The following SPATA6 variants were observed in gnomAD, a reference collection of about 807,000 sequenced individuals.
SPATA6 encodes the protein spermatogenesis-associated protein 6.
SPATA6 carries 56 observed loss-of-function variants against 65.3 expected under a neutral mutation model. The ratio of observed to expected loss-of-function variants is 0.86; its 90% CI spans 0.69 to 1.07. The LOEUF (loss-of-function observed/expected upper bound fraction) is 1.07, where lower values mean the gene tolerates loss of function less well. Ranked by LOEUF, SPATA6 falls within the 50% of genes least tolerant of loss-of-function variation. The pLI, the probability that SPATA6 is intolerant of heterozygous loss-of-function variation, is 0.00. For synonymous variants in SPATA6, 199 were observed against 213.2 expected (o/e 0.93, Z 0.58); for missense variants, 590 against 594.8 (o/e 0.99, Z 0.08).
At chr1:48,274,558 T>G in the SPATA6 span, among the ~76,000 whole-genome samples, 84 of 152,232 alleles carry the variant, frequency 5.5e-4, no homozygotes, top group African/African-American at 1.7e-3. Flanking sequence ...TTTCTGCATA[T>G]GGCTAGCCAG....
At chr1:48,328,469 C>G (rs190703945) in intron 11 of SPATA6, among the ~76,000 whole-genome samples, 6 of 152,124 alleles carry the variant, frequency 3.9e-5, no homozygotes, top group Admixed American at 2.0e-4. Flanking sequence ...CCTGGGCAAG[C>G]CTTTAATATA....
intron 11 of SPATA6, among the ~76,000 whole-genome samples, chr1:48,349,242 G>C (rs1485681151): frequency 1.3e-5 from 2 of 151,916 alleles, no homozygotes; most frequent in Non-Finnish European, 2.9e-5. Context: ...CCACACAGCT[G>C]AGTAGTTGTC....
chr1:48,366,035 G>C (rs929304034), intron 9 of SPATA6, among the ~76,000 whole-genome samples: 3 of 152,112 alleles, frequency 2.0e-5, no homozygotes, highest in African/African-American at 4.8e-5. Flanking sequence ...GTCTTTTTCT[G>C]CATCTATTGA....
At chr1:48,366,250 ATTCTCTTTTTTGGTTGT>A (rs1647006968) in intron 9 of SPATA6, among the ~76,000 whole-genome samples, 2 of 152,084 alleles carry the variant, frequency 1.3e-5, no homozygotes, top group Non-Finnish European at 2.9e-5. Context: ...TTGGTCTAAA[ATTCTCTTTTTTGGTTGT>A]GTCTCTGCCC....
At chr1:48,345,703 TTATGAACACCTC>T (rs1350253367) in intron 11 of SPATA6, among the ~76,000 whole-genome samples, 1 of 151,842 alleles carries the variant, frequency 6.6e-6, no homozygotes, top group Non-Finnish European at 1.5e-5. Context: ...TCAGACAATA[TTATGAACACCTC>T]TATGCACATA....
chr1:48,347,107 C>G (rs898717697), intron 11 of SPATA6, among the ~76,000 whole-genome samples: 2 of 151,910 alleles, frequency 1.3e-5, no homozygotes, highest in Admixed American at 1.3e-4. Flanking sequence ...GGTAGTGGTA[C>G]AAAAACAGAC....
At chr1:48,418,387 C>G (rs566875839) in intron 3 of SPATA6, among the ~76,000 whole-genome samples, 1 of 151,708 alleles carries the variant, frequency 6.6e-6, no homozygotes, top group South Asian at 2.1e-4. Flanking sequence ...TAGAAAATAT[C>G]TGAGCATACA....
the SPATA6 span, among the ~76,000 whole-genome samples, chr1:48,277,830 G>C: frequency 6.6e-6 from 1 of 152,230 alleles, no homozygotes; most frequent in Admixed American, 6.5e-5. Context: ...GAGAGCAGTG[G>C]TTCTCCCAGC....
chr1:48,313,072 T>C (rs1645273676), intron 11 of SPATA6, among the ~76,000 whole-genome samples: 1 of 152,178 alleles, frequency 6.6e-6, no homozygotes, highest in African/African-American at 2.4e-5. Context: ...GTCTGATTGG[T>C]GTACCTGAAA....
rs866389811 is a variant in SPATA6 at position 48,345,583 on chromosome 1, A to G, written c.1194+10087T>C. Among the ~76,000 whole-genome samples the G allele has an allele frequency of 7.9e-5, 12 of 152,104 alleles. No homozygotes were observed. The Middle Eastern group carries it at 0.01, about 129-fold the overall frequency. ...TGTTTTTCTGAAAAATTAACAAAAT[A>G]AATAGAGTGCTAGCTAGACTAATAA... On this transcript the variant is annotated intron_variant, in intron 11 of 12. Transcript: ENST00000371847.
chr1:48,364,139 T>C (rs577094108), intron 9 of SPATA6, among the ~76,000 whole-genome samples: 1 of 152,348 alleles, frequency 6.6e-6, no homozygotes, highest in Admixed American at 6.5e-5. Flanking sequence ...ACTCATCATT[T>C]TTTATGGCTG....
chr1:48,462,037 C>T (rs1304276824), intron 1 of SPATA6, among the ~76,000 whole-genome samples: 1 of 152,154 alleles, frequency 6.6e-6, no homozygotes, highest in African/African-American at 2.4e-5. Flanking sequence ...AGTTCATGTC[C>T]TTTGTAGGGA....
chr1:48,453,148 A>G lies in SPATA6; in HGVS notation c.52-17T>C. 6.2e-7 allele frequency: 1 copy of G among 1,605,738 alleles called. No homozygotes were observed. The highest frequency in any genetic ancestry group is 8.5e-7 in the Non-Finnish European group (1 of 1,177,362). ...GCAAGTTACCTGAAAGAAATTAGAT[A>G]AAATGGATGTAACTGCTTTATAAAT... On this transcript the variant is annotated splice_polypyrimidine_tract_variant and intron_variant, in intron 1 of 12. Transcript: ENST00000371847.
chr1:48,349,160 T>C (rs994946975), intron 11 of SPATA6, among the ~76,000 whole-genome samples: 2 of 152,002 alleles, frequency 1.3e-5, no homozygotes, highest in African/African-American at 4.8e-5. Flanking sequence ...TAGTGCACAA[T>C]GATAAAATTT....
At chr1:48,291,525 A>C (rs1032439940), downstream of SPATA6, among the ~76,000 whole-genome samples, 1 of 151,944 alleles carries the variant, frequency 6.6e-6, no homozygotes, top group Admixed American at 6.6e-5. Context: ...CGGCAGCCAC[A>C]GGCCTCAACC....
chr1:48,285,833 C>T, the SPATA6 span, among the ~76,000 whole-genome samples: 1 of 152,172 alleles, frequency 6.6e-6, no homozygotes, highest in Non-Finnish European at 1.5e-5. Flanking sequence ...AAATCACCCA[C>T]CTTCTACATT....
chr1:48,439,430 T>C (rs1655251708), intron 3 of SPATA6, among the ~76,000 whole-genome samples: 1 of 151,946 alleles, frequency 6.6e-6, no homozygotes, highest in African/African-American at 2.4e-5. Flanking sequence ...TGAGCGCAAC[T>C]ATTCCGATCA....
rs558030265 is a variant in SPATA6 at position 48,328,307 on chromosome 1, GTAT to G, written c.1195-22432_1195-22430del. On this transcript the variant is annotated intron_variant, in intron 11 of 12. Transcript: ENST00000371847. ...TAGATTTATCGCATAAATGTTGACAGTATTATTATTTTTTAGCAGCCAAAAAGT... is the reference window on the plus strand; with the variant it reads ...TAGATTTATCGCATAAATGTTGACAGTATTATTTTTTAGCAGCCAAAAAGT... 1.4e-4 allele frequency among the ~76,000 whole-genome samples: 22 copies of G among 152,148 alleles called. No individual in the cohort carries two copies. In the South Asian group the frequency reaches 4.4e-3, roughly 30 times the overall value.
chr1:48,283,698 AAAG>A, the SPATA6 span, among the ~76,000 whole-genome samples: 2 of 53,790 alleles, frequency 3.7e-5, no homozygotes, highest in African/African-American at 8.7e-5. Context: ...AAAAAAAAAA[AAAG>A]AAAGAAAGAA....
Sources: gnomAD v4.1 joint callset for allele counts (sites outside exome capture counted in the v4.1 genomes callset) on GRCh38, gnomAD v4.1.1 for gene constraint, MANE v1.5 for transcripts, NCBI Gene and HGNC (gene_info 2026-07-23, HGNC 2026-07-21) for gene names.